CSMD1: variants seen among roughly 807,000 people sequenced by gnomAD.
CSMD1 encodes the protein CUB and Sushi multiple domains 1.
CSMD1 carries 213 observed loss-of-function variants against 417.5 expected under a neutral mutation model. That is an observed-to-expected ratio of 0.51 (90% CI 0.46 to 0.57). The LOEUF is 0.57. Ranked by LOEUF, CSMD1 falls within the 20% of genes least tolerant of loss-of-function variation. CSMD1 has a pLI of 0.00. For synonymous variants in CSMD1, 2,862 were observed against 1,736.8 expected (o/e 1.65, Z -16.11); for missense variants, 6,923 against 4,529.7 (o/e 1.53, Z -15.17).
At chr8:3,977,030 G>A (rs999871705) in intron 5 of CSMD1, among the ~76,000 whole-genome samples, 4 of 152,204 alleles carry the variant, frequency 2.6e-5, no homozygotes, top group African/African-American at 9.7e-5. Flanking sequence ...GGGAATGGGT[G>A]AGACGGGATT....
intron 1 of CSMD1, among the ~76,000 whole-genome samples, chr8:4,929,576 C>G (rs59316652): frequency 0.02 from 3,024 of 152,296 alleles, 89 homozygotes; most frequent in African/African-American, 0.067. Context: ...AAGCTAGTCT[C>G]AAGGTGTGTT....
intron 23 of CSMD1, among the ~76,000 whole-genome samples, chr8:3,322,898 G>A (rs2117488087): frequency 6.6e-6 from 1 of 152,326 alleles, no homozygotes; most frequent in Admixed American, 6.5e-5. Context: ...GAAGTGCTGT[G>A]ATTCCTAGAT....
At chr8:3,678,359 A>G (rs1799486995) in intron 7 of CSMD1, among the ~76,000 whole-genome samples, 1 of 152,240 alleles carries the variant, frequency 6.6e-6, no homozygotes, top group South Asian at 2.1e-4. Context: ...GATGGAGCTG[A>G]AAACCATGGC....
chr8:3,075,895 A>T (rs1813633368), intron 49 of CSMD1, among the ~76,000 whole-genome samples: 1 of 151,098 alleles, frequency 6.6e-6, no homozygotes, highest in Admixed American at 6.6e-5. Flanking sequence ...CAAAAAAAAA[A>T]AAAAAATTAG....
At chr8:4,713,139 C>G (rs77936490) in intron 1 of CSMD1, among the ~76,000 whole-genome samples, 3 of 152,062 alleles carry the variant, frequency 2.0e-5, no homozygotes, top group Non-Finnish European at 2.9e-5. Context: ...ACTAGGACCT[C>G]TATTAAAATG....
At chr8:4,610,407 T>C (rs1184775283) in intron 2 of CSMD1, among the ~76,000 whole-genome samples, 3 of 152,190 alleles carry the variant, frequency 2.0e-5, no homozygotes, top group African/African-American at 7.2e-5. Context: ...TTCAAATATA[T>C]GTTCTTTTTA....
At chr8:3,804,018 C>G (rs1406771360) in intron 5 of CSMD1, among the ~76,000 whole-genome samples, 2 of 152,076 alleles carry the variant, frequency 1.3e-5, no homozygotes, top group African/African-American at 4.8e-5. Flanking sequence ...ACCTCCACCT[C>G]CTGAGTTCAA....
At chr8:4,180,458 A>G (rs1011941112) in intron 3 of CSMD1, among the ~76,000 whole-genome samples, 4 of 150,788 alleles carry the variant, frequency 2.7e-5, no homozygotes, top group Non-Finnish European at 5.9e-5. Context: ...GGATAGCATT[A>G]GGAGATATGC....
chr8:4,168,704 A>G (rs1714742), intron 3 of CSMD1, among the ~76,000 whole-genome samples: 85,657 of 151,886 alleles, frequency 0.56, 25,130 homozygotes, highest in Non-Finnish European at 0.64. Flanking sequence ...TTCTTTTTTA[A>G]AACACAAAAA....
intron 2 of CSMD1, among the ~76,000 whole-genome samples, chr8:4,457,754 T>A (rs529378441): frequency 1.3e-5 from 2 of 152,156 alleles, no homozygotes; most frequent in Non-Finnish European, 2.9e-5. Context: ...TCCAGCAGCA[T>A]AGGACACCTC....
chr8:3,807,689 G>T (rs977599909), intron 5 of CSMD1, among the ~76,000 whole-genome samples: 1 of 152,028 alleles, frequency 6.6e-6, no homozygotes, highest in Non-Finnish European at 1.5e-5. Flanking sequence ...TTAAGTTTTG[G>T]CTTTTCTTCC....
At chr8:4,661,502 C>A (rs78455034) in intron 1 of CSMD1, among the ~76,000 whole-genome samples, 3 of 152,002 alleles carry the variant, frequency 2.0e-5, no homozygotes, top group Non-Finnish European at 4.4e-5. Flanking sequence ...TCAGGAGGAA[C>A]GTGAATGTGA....
chr8:4,165,833 C>G (rs1389907394), intron 3 of CSMD1, among the ~76,000 whole-genome samples: 1 of 152,196 alleles, frequency 6.6e-6, no homozygotes, highest in Non-Finnish European at 1.5e-5. Flanking sequence ...TGTTGCAAAA[C>G]TAATTGCGTT....
intron 3 of CSMD1, among the ~76,000 whole-genome samples, chr8:4,176,626 C>G (rs111949842): frequency 7.6e-6 from 1 of 131,368 alleles, no homozygotes; most frequent in South Asian, 2.5e-4. Context: ...ATAAAAGACA[C>G]AGACTGGCAA....
chr8:4,141,777 G>C (rs13268627), intron 3 of CSMD1, among the ~76,000 whole-genome samples: 45,326 of 150,812 alleles, frequency 0.3, 8,475 homozygotes, highest in Non-Finnish European at 0.39. Context: ...ATACACAGAA[G>C]TGAAACATAT....
chr8:3,642,287 T>G (rs962503608), intron 7 of CSMD1, among the ~76,000 whole-genome samples: 1 of 151,966 alleles, frequency 6.6e-6, no homozygotes, highest in African/African-American at 2.4e-5. Context: ...AAATTCACTG[T>G]GAAAAAGAGA....
intron 20 of CSMD1, among the ~76,000 whole-genome samples, chr8:3,363,633 T>C (rs550693654): frequency 6.6e-6 from 1 of 152,282 alleles, no homozygotes; most frequent in South Asian, 2.1e-4. Context: ...GTTCACTCCA[T>C]TCTCCTGCCT....
rs555792468 is a variant in CSMD1 at position 4,852,034 on chromosome 8, C to T, written c.85+142298G>A. ...TGTCACTAAGGTCTAACCTGTAATA[C>T]CTCCTCAGCAGGGCTTAATGTGTAT... On this transcript the variant is annotated intron_variant, in intron 1 of 69. Transcript: ENST00000635120. Among the ~76,000 whole-genome samples the T allele has an allele frequency of 1.4e-4, 21 of 152,272 alleles. No individual in the cohort carries two copies. In the South Asian group the frequency reaches 3.1e-3, roughly 23 times the overall value.
chr8:4,204,366 C>T (rs1563269137), intron 3 of CSMD1, among the ~76,000 whole-genome samples: 1 of 151,828 alleles, frequency 6.6e-6, no homozygotes, highest in Non-Finnish European at 1.5e-5. Context: ...AGCAAACTGA[C>T]AACATCATTT....
Sources: allele counts gnomAD v4.1 joint callset (sites outside exome capture counted in the v4.1 genomes callset), GRCh38; gene constraint gnomAD v4.1.1; transcripts MANE v1.5; gene names NCBI Gene and HGNC (gene_info 2026-07-23, HGNC 2026-07-21).